The following TEX10 variants were observed in gnomAD, a reference collection of about 807,000 sequenced individuals.
TEX10 encodes the protein testis-expressed protein 10.
TEX10 carries 24 observed loss-of-function variants against 104.4 expected under a neutral mutation model. The observed-to-expected ratio is 0.23, with a 90% confidence interval of 0.17 to 0.32. TEX10 has a LOEUF of 0.32. Among genes scored for constraint, TEX10 ranks in the 10% least tolerant of loss-of-function variants. The probability of loss-of-function intolerance (pLI) is 1.00; values close to 1 mark genes in which losing one functional copy is unlikely to be tolerated. For synonymous variants in TEX10, 396 were observed against 393.4 expected (o/e 1.01, Z -0.08); for missense variants, 921 against 1,083.9 (o/e 0.85, Z 2.11).
chr9:100,344,400 ATAAT>A (rs1271162557), intron 4 of TEX10, among the ~76,000 whole-genome samples: 1 of 152,240 alleles, frequency 6.6e-6, no homozygotes, highest in East Asian at 1.9e-4. Flanking sequence ...CAAAACTAGC[ATAAT>A]TAATAAATTT....
At chr9:100,352,705 C>T (rs1447199123) in intron 1 of TEX10, 67 bp downstream of exon 1, 44 of 1,299,516 alleles carry the variant, frequency 3.4e-5, no homozygotes, top group Non-Finnish European at 5.9e-6. Context: ...GATCGGGGGG[C>T]GACGGCCCCA....
intron 1 of TEX10, chr9:100,352,309 C>G: frequency 6.5e-7 from 1 of 1,532,158 alleles, no homozygotes; most frequent in East Asian, 2.5e-5. Context: ...CTGGTAGTCC[C>G]CTTCCGCTCG....
intron 5 of TEX10, 57 bp from the exon 6 acceptor site, chr9:100,330,226 T>C (rs1390907180): frequency 3.3e-6 from 4 of 1,222,316 alleles, no homozygotes; most frequent in East Asian, 4.7e-5. Flanking sequence ...CCTGCTTCAT[T>C]AGAATACTTA....
chr9:100,348,369 C>G (rs1029781505), intron 2 of TEX10, among the ~76,000 whole-genome samples: 22 of 152,146 alleles, frequency 1.4e-4, no homozygotes, highest in Middle Eastern at 3.2e-3. Flanking sequence ...TGTAAATATA[C>G]CAAAACCAAT....
chr9:100,338,112 C>T (rs1399125606), intron 5 of TEX10, among the ~76,000 whole-genome samples: 1 of 152,104 alleles, frequency 6.6e-6, no homozygotes, highest in East Asian at 1.9e-4. Context: ...TTAGGCTCTG[C>T]CAATAAAGGG....
chr9:100,340,226 A>C (rs758040415), intron 5 of TEX10, 31 bp downstream of exon 5: 5 of 1,367,718 alleles, frequency 3.7e-6, no homozygotes, highest in Non-Finnish European at 3.0e-6. Flanking sequence ...ACAGCTTTTC[A>C]AGGTTATACA....
chr9:100,347,975 T>C (rs1484102062), intron 2 of TEX10, among the ~76,000 whole-genome samples: 1 of 152,242 alleles, frequency 6.6e-6, no homozygotes, highest in Non-Finnish European at 1.5e-5. Flanking sequence ...AACAGCATTA[T>C]TCATAAGAGC....
chr9:100,321,204 A>C (rs1473856737), intron 10 of TEX10, among the ~76,000 whole-genome samples: 2 of 152,218 alleles, frequency 1.3e-5, no homozygotes, highest in Non-Finnish European at 2.9e-5. Context: ...GCTTACATTT[A>C]TCTTCTGAAG....
chr9:100,309,703 A>G (rs567162743), intron 12 of TEX10, among the ~76,000 whole-genome samples: 1 of 152,258 alleles, frequency 6.6e-6, no homozygotes, highest in African/African-American at 2.4e-5. Flanking sequence ...CAAAGATATA[A>G]TTTGGGAGCC....
chr9:100,327,086 G>A (rs907387283), intron 8 of TEX10, among the ~76,000 whole-genome samples: 1 of 151,982 alleles, frequency 6.6e-6, no homozygotes, highest in African/African-American at 2.4e-5. Flanking sequence ...AGACACAAAA[G>A]GCCCCATGTT....
Position 100,347,207 on chromosome 9 carries a change from G to T in TEX10, c.380C>A (p.Pro127His). 3.1e-6 allele frequency: 5 copies of T among 1,614,014 alleles called. No homozygotes were observed. The highest frequency in any genetic ancestry group is 4.2e-6 in the Non-Finnish European group (5 of 1,179,936). ...AGAAATTTGTTCAGCTCGTATTTTG[G>T]GGGCCAGGAATTGAAGAAGTTGAAC... ...AAVQLLQFLA[P>H]KIRAEQISPF... Residue 127 changes from proline (P) to histidine (H), a missense_variant, in exon 3 of 15, where the codon CCC becomes CAC. Pro to His is a moderately conservative substitution (Grantham distance 77). This residue lies in a region of TEX10 where 50 missense variants were observed against 104.2 expected (regional missense o/e 0.48). Transcript: ENST00000374902.
chr9:100,320,321 CA>C lies in TEX10; in HGVS notation c.2145del (p.Val716CysfsTer17). On this transcript the variant is annotated frameshift_variant, in exon 11 of 15. Coordinates refer to ENST00000374902, the MANE Select transcript of TEX10 (RefSeq NM_017746.4). LOFTEE classifies it high-confidence loss of function. ...TCCAAATCTGTAAGGTAGAGAAGCA[CA>C]GGGGAAAGCTGTGTCTGGATGACAT... ...VPHVIQTQLS[P>X]VLLYLTDLDQ... is the part of the protein sequence containing the mutation. The C allele has an allele frequency of 6.2e-7, 1 of 1,613,256 alleles. No individual in the cohort carries two copies. Among genetic ancestry groups the C allele is most frequent in the Non-Finnish European group, 8.5e-7 (1 of 1,179,536 alleles).
At chr9:100,343,181 G>A (rs1325779053) in intron 4 of TEX10, among the ~76,000 whole-genome samples, 7 of 151,228 alleles carry the variant, frequency 4.6e-5, no homozygotes, top group Admixed American at 2.0e-4. Context: ...TTATATCAAG[G>A]ATATAGCTAG....
At position 100,346,321 on chromosome 9, in the gene TEX10, A is replaced by T; in HGVS notation, c.894-6T>A. On this transcript the variant is annotated splice_region_variant and splice_polypyrimidine_tract_variant and intron_variant, in intron 3 of 14. Coordinates refer to ENST00000374902, the MANE Select transcript of TEX10 (RefSeq NM_017746.4). ...TCAGTCCTCCAACCAGATACCTAATAAGGGTAAGAAAGAAAAAAATTAAGT... is the reference window on the plus strand; with the variant it reads ...TCAGTCCTCCAACCAGATACCTAATTAGGGTAAGAAAGAAAAAAATTAAGT... 6.3e-7 allele frequency: 1 copy of T among 1,581,634 alleles called. No homozygotes were observed. Among genetic ancestry groups the T allele is most frequent in the Non-Finnish European group, 8.6e-7 (1 of 1,168,176 alleles).
intron 11 of TEX10, among the ~76,000 whole-genome samples, chr9:100,315,880 G>T (rs1472081904): frequency 6.6e-6 from 1 of 152,160 alleles, no homozygotes; most frequent in East Asian, 1.9e-4. Flanking sequence ...ATGTCACGAT[G>T]AAGTCCTTTC....
At chr9:100,319,710 G>A (rs1305894859) in intron 11 of TEX10, among the ~76,000 whole-genome samples, 2 of 152,142 alleles carry the variant, frequency 1.3e-5, no homozygotes, top group African/African-American at 2.4e-5. Context: ...GGAGGCTGAG[G>A]CAGGAGAATC....
intron 5 of TEX10, among the ~76,000 whole-genome samples, chr9:100,337,131 ATCTATCACAATCAGTC>A (rs1465103066): frequency 6.6e-6 from 1 of 152,148 alleles, no homozygotes; most frequent in Non-Finnish European, 1.5e-5. Flanking sequence ...CCTTCACTAT[ATCTATCACAATCAGTC>A]ACTGATTAAA....
chr9:100,349,066 C>G, intron 2 of TEX10, 118 bp downstream of exon 2: 1 of 800,652 alleles, frequency 1.2e-6, no homozygotes, highest in Non-Finnish European at 1.8e-6. Context: ...ATCAATAAAC[C>G]CTAAGACCCT....
At chr9:100,326,562 T>C (rs758856447) in intron 8 of TEX10, 83 bp from the exon 9 acceptor site, 19 of 1,347,958 alleles carry the variant, frequency 1.4e-5, no homozygotes, top group South Asian at 4.6e-5. Context: ...ATGACTTCCA[T>C]TGAATTATGG....
Sources: allele counts gnomAD v4.1 joint callset (sites outside exome capture counted in the v4.1 genomes callset), GRCh38; gene constraint gnomAD v4.1.1; regional missense constraint gnomAD v4.1.1; transcripts MANE v1.5; gene names NCBI Gene and HGNC (gene_info 2026-07-23, HGNC 2026-07-21).